The following PITRM1 variants were observed in gnomAD, a reference collection of about 807,000 sequenced individuals.
The protein encoded by PITRM1 is presequence protease, mitochondrial.
A neutral mutation model predicts 129.9 loss-of-function variants in PITRM1; 100 were observed. The ratio of observed to expected loss-of-function variants is 0.77; its 90% confidence interval spans 0.65 to 0.91. PITRM1 has a LOEUF of 0.91. Among genes scored for constraint, PITRM1 ranks in the 40% least tolerant of loss-of-function variants. PITRM1 has a pLI of 0.00. For missense variants in PITRM1, 1,471 were observed against 1,318.3 expected (o/e 1.12, Z -1.79); for synonymous variants, 591 against 508.8 (o/e 1.16, Z -2.17).
Position 3,151,303 on chromosome 10 carries a change from T to C in PITRM1, c.1682A>G (p.Lys561Arg). The C allele has an allele frequency of 3.7e-6, 6 of 1,611,360 alleles. No individual in the cohort carries two copies. Among genetic ancestry groups the C allele is most frequent in the Non-Finnish European group, 4.2e-6 (5 of 1,178,886 alleles). Residue 561 changes from lysine (K) to arginine (R), a missense_variant, in exon 15 of 27, where the codon AAA (lysine) becomes AGA (arginine). Lys to Arg is a conservative substitution (Grantham distance 26). Transcript: ENST00000224949. Reference sequence around the variant, plus strand: ...TATGGTGGGTTCAATATCGGAAACTTTCAACGCTGGCAGACAAGAGGCATC... The same window carrying C: ...TATGGTGGGTTCAATATCGGAAACTCTCAACGCTGGCAGACAAGAGGCATC... ...PQDASCLPAL[K>R]VSDIEPTIPV... is the part of the protein sequence containing the mutation.
intron 1 of PITRM1, among the ~76,000 whole-genome samples, chr10:3,171,760 C>T (rs1279086162): frequency 1.3e-5 from 2 of 152,092 alleles, no homozygotes; most frequent in African/African-American, 4.8e-5. Context: ...ATTATTCTCA[C>T]CTGAATGAGA....
At chr10:3,170,053 G>T in intron 2 of PITRM1, 51 bp downstream of exon 2, 1 of 1,369,410 alleles carries the variant, frequency 7.3e-7, no homozygotes. Flanking sequence ...GCCAGAAGCC[G>T]CACCTGCAAT....
intron 23 of PITRM1, among the ~76,000 whole-genome samples, chr10:3,141,141 TTGTTGCCCAGGC>T (rs1423340283): frequency 6.6e-6 from 1 of 152,166 alleles, no homozygotes; most frequent in Non-Finnish European, 1.5e-5. Context: ...GGGTCTAGCT[TTGTTGCCCAGGC>T]TGGTCTCAAA....
chr10:3,153,980 C>T (rs1352436767), intron 14 of PITRM1, among the ~76,000 whole-genome samples: 3 of 152,188 alleles, frequency 2.0e-5, no homozygotes, highest in Non-Finnish European at 4.4e-5. Flanking sequence ...AGCTATGAAG[C>T]CACCACATCA....
Position 3,148,214 on chromosome 10 carries a change from G to A in PITRM1, c.1949C>T (p.Pro650Leu), listed in dbSNP as rs1489286343. 1 of 1,614,026 alleles carries A rather than the reference G, an allele frequency of 6.2e-7. No individual in the cohort carries two copies. Among genetic ancestry groups the A allele is most frequent in the Non-Finnish European group, 8.5e-7 (1 of 1,179,886 alleles). Reference protein sequence around the residue: ...ELKTGGMSASPHVLPDDSHMD... With the variant: ...ELKTGGMSASLHVLPDDSHMD... Reference sequence around the variant, plus strand: ...GTGTGAGTCGTCGGGGAGCACGTGGGGAGAAGCACTCATCCCTCCGGTCTT... The same window carrying A: ...GTGTGAGTCGTCGGGGAGCACGTGGAGAGAAGCACTCATCCCTCCGGTCTT... The change falls in exon 17 of 27, where the codon CCC becomes CTC. Residue 650 changes from proline to leucine, a missense_variant. Transcript: ENST00000224949.
intron 15 of PITRM1, among the ~76,000 whole-genome samples, chr10:3,150,426 A>G (rs569110225): frequency 3.8e-4 from 58 of 152,218 alleles, no homozygotes; most frequent in Non-Finnish European, 6.8e-4. Context: ...ACATGAAAAT[A>G]AATGAGATAC....
Position 3,149,720 on chromosome 10 carries a change from G to T in PITRM1, c.1772C>A (p.Pro591His), listed in dbSNP as rs1276171897. 10 of 1,612,054 alleles carry T rather than the reference G, an allele frequency of 6.2e-6. No individual in the cohort carries two copies. The highest frequency in any genetic ancestry group is 8.5e-6 in the Non-Finnish European group (10 of 1,179,426). The change falls in exon 16 of 27, where the codon CCC becomes CAC. Residue 591 changes from proline to histidine, a missense_variant. Physicochemically the swap from Pro to His is moderately conservative, Grantham distance 77 (BLOSUM62 -2). Coordinates refer to ENST00000224949, the MANE Select transcript of PITRM1 (RefSeq NM_014889.4). ...GDIPVQYCAQPTNGMVYFRAF... is the reference protein window; with the variant it reads ...GDIPVQYCAQHTNGMVYFRAF... ...CCGGAAATACACCATGCCATTGGTG[G>T]GCTGGGCGCAGTACTGAACAGGGAT...
intron 15 of PITRM1, among the ~76,000 whole-genome samples, chr10:3,150,419 T>C (rs1279700103): frequency 1.3e-5 from 2 of 150,434 alleles, no homozygotes; most frequent in South Asian, 2.1e-4. Context: ...CACACACACA[T>C]GAAAATAAAT....
intron 23 of PITRM1, among the ~76,000 whole-genome samples, chr10:3,142,682 A>G (rs1286972997): frequency 1.3e-5 from 2 of 152,224 alleles, no homozygotes; most frequent in Non-Finnish European, 2.9e-5. Context: ...CTTTGGGAAC[A>G]GGCCTGACCC....
chr10:3,161,678 T>TG (rs1842452027), intron 7 of PITRM1, among the ~76,000 whole-genome samples: 2 of 59,304 alleles, frequency 3.4e-5, no homozygotes. Flanking sequence ...ATTAGGGAGG[T>TG]GGGGGTGGGG....
rs747059744 is a variant in PITRM1, at chr10:3,156,956, G to A, written c.1456C>T (p.Gln486Ter). Residue 486 changes from glutamine (Q) to a stop codon, truncating the protein, a stop_gained, in exon 13 of 27, where the codon CAA becomes TAA. Transcript: ENST00000224949. LOFTEE classifies it high-confidence loss of function. Reference sequence around the variant, plus strand: ...TTAAAATACTGTTTTACTTTTTCTTGCAAAAATTTTGGATTTTCCTGCAGG... The same window carrying A: ...TTAAAATACTGTTTTACTTTTTCTTACAAAAATTTTGGATTTTCCTGCAGG... ...QCLQENPKFL[Q>*]EKVKQYFKNN... is the part of the protein sequence containing the mutation. The A allele has an allele frequency of 6.3e-7, 1 of 1,584,438 alleles. No homozygotes were observed. Among genetic ancestry groups the A allele is most frequent in the East Asian group, 2.3e-5 (1 of 43,960 alleles).
Position 3,143,448 on chromosome 10 carries a change from C to A in PITRM1, c.2586G>T (p.Pro862=), listed in dbSNP as rs765340716. The A allele has an allele frequency of 2.5e-6, 4 of 1,613,728 alleles. No individual in the cohort carries two copies. Among genetic ancestry groups the A allele is most frequent in the African/African-American group, 1.3e-5 (1 of 74,912 alleles). Residue 862 remains proline, a synonymous_variant, in exon 23 of 27, where the codon CCG becomes CCT. Transcript: ENST00000224949. ...QMKTHFLMPF[P]VNYVGECIRT... ...GGATGCATTCACCCACGTAATTCAC[C>A]GGGAAGGGCATCAGGAAGTGAGTCT...
At chr10:3,141,832 T>C (rs1395956049) in intron 23 of PITRM1, 1 of 284,460 alleles carries the variant, frequency 3.5e-6, no homozygotes, top group African/African-American at 2.2e-5. Context: ...GTCACGACCA[T>C]CTCGTGTGGG....
intron 24 of PITRM1, among the ~76,000 whole-genome samples, chr10:3,140,375 G>A (rs1007079840): frequency 3.9e-5 from 6 of 152,204 alleles, no homozygotes; most frequent in East Asian, 1.9e-4. Context: ...TTTTCAGACC[G>A]AGGGGGACTG....
intron 9 of PITRM1, among the ~76,000 whole-genome samples, chr10:3,159,402 C>T (rs901488727): frequency 1.3e-5 from 2 of 152,220 alleles, no homozygotes; most frequent in Non-Finnish European, 2.9e-5. Flanking sequence ...GGGCCCAGAG[C>T]CCAAGCCTTC....
intron 9 of PITRM1, 34 bp from the exon 10 acceptor site, chr10:3,159,076 A>C: frequency 1.3e-6 from 2 of 1,584,330 alleles, no homozygotes; most frequent in East Asian, 2.3e-5. Flanking sequence ...GGGAGGTAAG[A>C]AAAGAGTAAA....
rs185863355 is a variant in PITRM1, at chr10:3,139,246, A to G, written c.2772-197T>C. 2.3e-3 allele frequency among the ~76,000 whole-genome samples: 346 copies of G among 149,832 alleles called. 3 individuals are homozygous for G. The highest frequency in any genetic ancestry group is 8.3e-3 in the African/African-American group (325 of 39,230). ...TTAAATCTGATCACATAAGCCTTTC[A>G]ACATGTTCTCCCTCTTAGACAAGGT... On this transcript the variant is annotated intron_variant, in intron 24 of 26. Coordinates refer to ENST00000224949, the MANE Select transcript of PITRM1 (RefSeq NM_014889.4).
Position 3,160,287 on chromosome 10 carries a change from G to A in PITRM1, c.835C>T (p.Gln279Ter). 1.9e-6 allele frequency: 3 copies of A among 1,613,242 alleles called. No homozygotes were observed. Among genetic ancestry groups the A allele is most frequent in the South Asian group, 1.1e-5 (1 of 91,072 alleles). ...TTGCTCAGTGCTTCCTCGTGAATTT[G>A]TTTCAGATGCTGTTCTAATGGAAAA... Reference protein sequence around the residue: ...GNFPLEQHLKQIHEEALSKFQ... With the variant: ...GNFPLEQHLK The change falls in exon 8 of 27, where the codon CAA becomes TAA. Residue 279 changes from glutamine (Q) to a stop codon, truncating the protein, a stop_gained. Coordinates refer to ENST00000224949, the MANE Select transcript of PITRM1 (RefSeq NM_014889.4). LOFTEE classifies it high-confidence loss of function.
At chr10:3,171,171 A>AAAAAAAAAAAAAAT in intron 1 of PITRM1, among the ~76,000 whole-genome samples, 1 of 139,570 alleles carries the variant, frequency 7.2e-6, no homozygotes, top group South Asian at 2.2e-4. Flanking sequence ...AAAAAAAAAA[A>AAAAAAAAAAAAAAT]AAAAAAAAAA....
Sources: allele counts gnomAD v4.1 joint callset (sites outside exome capture counted in the v4.1 genomes callset), GRCh38; gene constraint gnomAD v4.1.1; transcripts MANE v1.5; gene names NCBI Gene and HGNC (gene_info 2026-07-23, HGNC 2026-07-21).